The following CDH13 variants were observed in gnomAD, a reference collection of about 807,000 sequenced individuals.
CDH13 encodes cadherin 13.
CDH13 carries 24 observed loss-of-function variants against 63.8 expected under a neutral mutation model. The ratio of observed to expected loss-of-function variants is 0.38; its 90% CI spans 0.27 to 0.53. The LOEUF (loss-of-function observed/expected upper bound fraction) is 0.53, where lower values mean the gene tolerates loss of function less well. Among genes scored for constraint, CDH13 ranks in the 20% least tolerant of loss-of-function variants. The probability of loss-of-function intolerance (pLI) is 0.85; values close to 1 mark genes in which losing one functional copy is unlikely to be tolerated. For missense variants in CDH13, 1,049 were observed against 903.1 expected, an observed-to-expected ratio of 1.16 and a Z score of -2.07; for synonymous variants, 503 against 355.3, an observed-to-expected ratio of 1.42 and a Z score of -4.67.
rs1280243857 is a variant in CDH13, at chr16:83,181,186, T to G, written c.484-36159T>G. Reference sequence around the variant, plus strand: ...TACTGAAGGCTTTGCAGCCAAGAAATGAGGCCTCAGGCAAGTCATTTAGTA... The same window carrying G: ...TACTGAAGGCTTTGCAGCCAAGAAAGGAGGCCTCAGGCAAGTCATTTAGTA... On this transcript the variant is annotated intron_variant, in intron 4 of 13. Coordinates refer to ENST00000567109, the MANE Select transcript of CDH13 (RefSeq NM_001257.5). The G allele has an allele frequency of 9.0e-6, 5 of 553,788 alleles. 1 individual carries two copies. The highest frequency in any genetic ancestry group is 1.5e-5 in the Non-Finnish European group (5 of 330,440). The allele number at this position is 553,788 out of a possible 1,614,324, so 34.3% of individuals were successfully genotyped here. A position where few individuals can be genotyped will look rare whatever the true frequency, so the allele number is the denominator to read the frequency against.
intron 6 of CDH13, among the ~76,000 whole-genome samples, chr16:83,436,943 A>AT (rs923355607): frequency 1.3e-4 from 19 of 151,244 alleles, no homozygotes; most frequent in African/African-American, 1.7e-4. Context: ...AATCACCACC[A>AT]TTTTTTTTTA....
chr16:83,382,047 C>G (rs546560202), intron 6 of CDH13, among the ~76,000 whole-genome samples: 2 of 152,134 alleles, frequency 1.3e-5, no homozygotes, highest in South Asian at 2.1e-4. Flanking sequence ...GTCCCATAAT[C>G]CAATGTGAAT....
intron 5 of CDH13, among the ~76,000 whole-genome samples, chr16:83,302,486 C>A (rs913701813): frequency 2.0e-5 from 3 of 152,162 alleles, no homozygotes; most frequent in Admixed American, 2.0e-4. Context: ...ACAAATGGGG[C>A]TCCTTATATT....
intron 6 of CDH13, among the ~76,000 whole-genome samples, chr16:83,380,017 A>G (rs1247761172): frequency 2.7e-5 from 4 of 150,812 alleles, no homozygotes. Context: ...ATATAATACA[A>G]TTTTTAAACA....
intron 2 of CDH13, among the ~76,000 whole-genome samples, chr16:82,944,500 C>T (rs565432005): frequency 5.9e-5 from 9 of 152,254 alleles, no homozygotes; most frequent in African/African-American, 1.9e-4. Flanking sequence ...TCCCAGGGAA[C>T]ATTTGGCAAT....
chr16:82,772,480 G>A (rs2035309079), intron 1 of CDH13, among the ~76,000 whole-genome samples: 1 of 152,142 alleles, frequency 6.6e-6, no homozygotes, highest in African/African-American at 2.4e-5. Context: ...CTGGTGAGAG[G>A]GAGGGGAACA....
At chr16:83,216,883 G>C (rs961816402) in intron 4 of CDH13, among the ~76,000 whole-genome samples, 16 of 152,036 alleles carry the variant, frequency 1.1e-4, no homozygotes, top group Admixed American at 7.2e-4. Flanking sequence ...ACCATGCCTA[G>C]TACCTAGTAG....
intron 1 of CDH13, among the ~76,000 whole-genome samples, chr16:82,782,378 G>A (rs1421956981): frequency 5.3e-5 from 8 of 152,108 alleles, no homozygotes; most frequent in African/African-American, 1.9e-4. Flanking sequence ...TGGCCAACAT[G>A]GTGAAACTCT....
intron 1 of CDH13, among the ~76,000 whole-genome samples, chr16:82,710,250 TATATAAA>T (rs940051985): frequency 6.8e-5 from 10 of 146,502 alleles, no homozygotes; most frequent in Admixed American, 5.5e-4. Context: ...TAAATATATT[TATATAAA>T]ATATAAAATA....
chr16:83,326,609 A>G (rs2090368494), intron 5 of CDH13, among the ~76,000 whole-genome samples: 2 of 152,134 alleles, frequency 1.3e-5, no homozygotes, highest in African/African-American at 4.8e-5. Flanking sequence ...TGGTAGTGGC[A>G]TGCTTGCTGT....
intron 5 of CDH13, among the ~76,000 whole-genome samples, chr16:83,265,766 G>C (rs2151840307): frequency 1.2e-5 from 1 of 81,086 alleles, no homozygotes; most frequent in South Asian, 4.1e-4. Context: ...TCTGTGTCAT[G>C]TTAGAAGGGT....
chr16:83,487,143 C>A (rs1012445434), intron 7 of CDH13, among the ~76,000 whole-genome samples: 1 of 152,312 alleles, frequency 6.6e-6, no homozygotes, highest in Admixed American at 6.5e-5. Context: ...CATCTCTGTT[C>A]TCATCCCTTT....
intron 4 of CDH13, among the ~76,000 whole-genome samples, chr16:83,139,625 C>T (rs1001879987): frequency 2.0e-5 from 3 of 151,818 alleles, no homozygotes; most frequent in African/African-American, 7.3e-5. Flanking sequence ...TTTCCTTTTG[C>T]AAATCACTTT....
intron 2 of CDH13, among the ~76,000 whole-genome samples, chr16:83,010,248 T>C (rs1047884348): frequency 2.0e-5 from 3 of 151,708 alleles, no homozygotes; most frequent in Non-Finnish European, 4.4e-5. Flanking sequence ...GCACAGCACT[T>C]TGAGAATCCT....
intron 7 of CDH13, among the ~76,000 whole-genome samples, chr16:83,596,224 C>T (rs1907244075): frequency 6.6e-6 from 1 of 152,146 alleles, no homozygotes; most frequent in Admixed American, 6.5e-5. Flanking sequence ...TGAACCTGGA[C>T]AAGTGAAGAG....
intron 1 of CDH13, among the ~76,000 whole-genome samples, chr16:82,649,811 TA>T (rs1465044719): frequency 6.6e-6 from 1 of 152,222 alleles, no homozygotes; most frequent in East Asian, 1.9e-4. Flanking sequence ...CGCTGCCCTG[TA>T]ACCTTGAGCA....
intron 1 of CDH13, among the ~76,000 whole-genome samples, chr16:82,792,702 G>T (rs888110061): frequency 1.3e-5 from 2 of 152,166 alleles, no homozygotes; most frequent in Admixed American, 6.5e-5. Flanking sequence ...TACTCAGAAG[G>T]CCTTTATTTA....
In CDH13 at chr16:83,325,295, T is replaced by C. The variant is rs182392613; in HGVS notation, c.637-19567T>C. Among the ~76,000 whole-genome samples, 7 of 152,196 alleles carry C rather than the reference T, an allele frequency of 4.6e-5. No individual in the cohort carries two copies. In the East Asian group the frequency reaches 1.4e-3, roughly 29 times the overall value. On this transcript the variant is annotated intron_variant, in intron 5 of 13. Transcript: ENST00000567109. ...TATCTGTTGAATGAATAAATAACAA[T>C]GAGAGAGGGGGAGGGAGGAAGAGAA...
intron 3 of CDH13, among the ~76,000 whole-genome samples, chr16:83,040,881 C>A (rs963653387): frequency 6.6e-6 from 1 of 152,274 alleles, no homozygotes; most frequent in African/African-American, 2.4e-5. Flanking sequence ...ATGAACGAGG[C>A]AAACTGAGGT....
Sources: gnomAD v4.1 joint callset for allele counts (sites outside exome capture counted in the v4.1 genomes callset) on GRCh38, gnomAD v4.1.1 for gene constraint, MANE v1.5 for transcripts, NCBI Gene and HGNC (gene_info 2026-07-23, HGNC 2026-07-21) for gene names.